Variants in AKR1D1 observed in about 807,000 individuals in gnomAD.
The protein encoded by AKR1D1 is aldo-keto reductase family 1 member D1.
Under a neutral mutation model 42.6 loss-of-function variants are expected in AKR1D1, and 32 were observed. That is an observed-to-expected ratio of 0.75 (90% confidence interval 0.57 to 1.01). AKR1D1 has a LOEUF of 1.01. AKR1D1 is among the 50% of genes least tolerant of loss of function. The pLI is 0.00. For synonymous variants in AKR1D1, 123 were observed against 135.5 expected (o/e 0.91, Z 0.64); for missense variants, 364 against 402.2 (o/e 0.91, Z 0.81).
rs763222495 is a variant in AKR1D1 at position 138,107,269 on chromosome 7, C to G, written c.690-146C>G. 8.2e-6 allele frequency: 7 copies of G among 856,872 alleles called. No individual in the cohort carries two copies. In the African/African-American group the frequency reaches 8.2e-5, roughly 10 times the overall value. The allele number at this position is 856,872 out of a possible 1,614,324, so 53.1% of individuals were successfully genotyped here. A position where few individuals can be genotyped will look rare whatever the true frequency, so the allele number is the denominator to read the frequency against. On this transcript the variant is annotated intron_variant, in intron 6 of 8. Coordinates refer to ENST00000242375, the MANE Select transcript of AKR1D1 (RefSeq NM_005989.4). ...AGTAACTCTCCATTCAGTGCATACTCTGCACTCAGAGAAACTGGTTACAGG... is the reference window on the plus strand; with the variant it reads ...AGTAACTCTCCATTCAGTGCATACTGTGCACTCAGAGAAACTGGTTACAGG...
chr7:138,089,593 G>A (rs902341042), intron 2 of AKR1D1, among the ~76,000 whole-genome samples: 4 of 152,124 alleles, frequency 2.6e-5, no homozygotes, highest in African/African-American at 4.8e-5. Context: ...ACAAGGAAAA[G>A]GTGGTCAAAA....
chr7:138,101,174 TCCCTCCCTC>T (rs1794304774), intron 4 of AKR1D1, among the ~76,000 whole-genome samples: 2 of 29,034 alleles, frequency 6.9e-5, no homozygotes, highest in Middle Eastern at 0.029. Flanking sequence ...CCTCCCTCCC[TCCCTCCCTC>T]CCTCCCTCCC....
At chr7:138,115,669 GA>G (rs1230920434) in intron 8 of AKR1D1, among the ~76,000 whole-genome samples, 1 of 152,144 alleles carries the variant, frequency 6.6e-6, no homozygotes. Flanking sequence ...ATTGGACCAT[GA>G]TTTTTTTCAG....
intron 4 of AKR1D1, among the ~76,000 whole-genome samples, chr7:138,104,765 T>A (rs1463316310): frequency 1.3e-5 from 2 of 151,096 alleles, no homozygotes; most frequent in African/African-American, 2.4e-5. Context: ...TTTTAAAAAA[T>A]TGTTTTTAAT....
At position 138,076,544 on chromosome 7, in the gene AKR1D1, G is replaced by A. The variant is rs537010232; in HGVS notation, c.26G>A (p.Arg9His). The A allele has an allele frequency of 2.3e-5, 37 of 1,613,424 alleles. No homozygotes were observed. The East Asian group carries it at 2.5e-4, about 11-fold the overall frequency. The change falls in exon 1 of 9, where the codon CGC (arginine) becomes CAC (histidine). Residue 9 changes from arginine to histidine, a missense_variant. Arg to His is a conservative substitution (Grantham distance 29). Coordinates refer to ENST00000242375, the MANE Select transcript of AKR1D1 (RefSeq NM_005989.4). ...ATGGATCTCAGTGCTGCAAGTCACCGCATACCTCTAAGTGATGGAAACAGC... is the reference window on the plus strand; with the variant it reads ...ATGGATCTCAGTGCTGCAAGTCACCACATACCTCTAAGTGATGGAAACAGC... MDLSAASHRIPLSDGNSIP... is the reference protein window; with the variant it reads MDLSAASHHIPLSDGNSIP...
intron 2 of AKR1D1, 136 bp from the exon 3 acceptor site, chr7:138,091,632 C>T (rs1794078831): frequency 1.5e-6 from 1 of 689,188 alleles, no homozygotes; most frequent in East Asian, 2.7e-5. Context: ...GAGTTAAAGA[C>T]CAGCCTGGGC....
At chr7:138,096,048 C>T (rs1794177566) in intron 3 of AKR1D1, among the ~76,000 whole-genome samples, 1 of 151,558 alleles carries the variant, frequency 6.6e-6, no homozygotes, top group African/African-American at 2.4e-5. Context: ...AAAAAAAATA[C>T]AAAAAAATTA....
chr7:138,080,808 C>T lies in AKR1D1; in HGVS notation c.93+4197C>T, dbSNP rs1237935814. On this transcript the variant is annotated intron_variant, in intron 1 of 8. Transcript: ENST00000242375. The stretch of plus-strand genomic sequence containing the variant: ...TCATTCCTAGTTTTTAAAATAAGGA[C>T]AGGATCTCACTATGTTGCCCAGGCT... 2.0e-5 allele frequency among the ~76,000 whole-genome samples: 3 copies of T among 152,124 alleles called. No homozygotes were observed. The East Asian group carries it at 5.8e-4, about 29-fold the overall frequency.
Position 138,105,568 on chromosome 7 carries a change from G to A in AKR1D1, c.579+139G>A, listed in dbSNP as rs150139982. ...TCATGGGACCCTGTGCAAGTCTTTA[G>A]ACTTCTTTCTATTGGTGTCACTTTA... On this transcript the variant is annotated intron_variant, in intron 5 of 8. Transcript: ENST00000242375. 420 of 1,307,320 alleles carry A rather than the reference G, an allele frequency of 3.2e-4. No homozygotes were observed. The African/African-American group carries it at 5.8e-3, about 18-fold the overall frequency. 81.0% of individuals were successfully genotyped at this position (1,307,320 alleles called of 1,614,324 possible).
intron 1 of AKR1D1, among the ~76,000 whole-genome samples, chr7:138,085,884 G>T (rs1295616287): frequency 6.6e-6 from 1 of 151,658 alleles, no homozygotes; most frequent in Non-Finnish European, 1.5e-5. Flanking sequence ...TAAATGATCA[G>T]TTCCAGCCCA....
intron 7 of AKR1D1, 75 bp from the exon 8 acceptor site, chr7:138,113,615 G>A: frequency 1.6e-6 from 2 of 1,222,450 alleles, no homozygotes; most frequent in Non-Finnish European, 2.4e-6. Context: ...ATCTTTGGAA[G>A]GCTCCCACCG....
At chr7:138,100,914 C>CTAAA (rs1794294593) in intron 4 of AKR1D1, among the ~76,000 whole-genome samples, 1 of 151,742 alleles carries the variant, frequency 6.6e-6, no homozygotes, top group Non-Finnish European at 1.5e-5. Flanking sequence ...CTGTGTTAGC[C>CTAAA]AGGATGGTCT....
intron 3 of AKR1D1, among the ~76,000 whole-genome samples, chr7:138,095,141 G>A (rs1176785056): frequency 6.6e-6 from 1 of 152,162 alleles, no homozygotes; most frequent in East Asian, 1.9e-4. Context: ...GGTATCTAAT[G>A]TGGGTTCAGG....
At chr7:138,100,632 T>C (rs1360575177) in intron 4 of AKR1D1, among the ~76,000 whole-genome samples, 1 of 147,512 alleles carries the variant, frequency 6.8e-6, no homozygotes, top group Non-Finnish European at 1.5e-5. Context: ...AGCTTCAAAA[T>C]ACATGAAGCA....
chr7:138,103,361 A>G (rs1258428393), intron 4 of AKR1D1, among the ~76,000 whole-genome samples: 1 of 152,206 alleles, frequency 6.6e-6, no homozygotes, highest in Non-Finnish European at 1.5e-5. Flanking sequence ...TTATATATAT[A>G]CTATTAGCAT....
Position 138,116,763 on chromosome 7 carries a change from T to C in AKR1D1, c.*101T>C, listed in dbSNP as rs779264026. On this transcript the variant is annotated 3_prime_UTR_variant, in exon 9 of 9. Coordinates refer to ENST00000242375, the MANE Select transcript of AKR1D1 (RefSeq NM_005989.4). Reference sequence around the variant, plus strand: ...AAAATGAAGAGAGAGGGTTTTACCATCCTGAGAAGAAATAATGATGGAAAC... The same window carrying C: ...AAAATGAAGAGAGAGGGTTTTACCACCCTGAGAAGAAATAATGATGGAAAC... 9.3e-7 allele frequency: 1 copy of C among 1,077,504 alleles called. No homozygotes were observed. Among genetic ancestry groups the C allele is most frequent in the Non-Finnish European group, 1.4e-6 (1 of 710,764 alleles). The allele number at this position is 1,077,504 out of a possible 1,614,324, so 66.7% of individuals were successfully genotyped here.
At position 138,111,009 on chromosome 7, in the gene AKR1D1, G is replaced by T. The variant is rs77557097; in HGVS notation, c.856-2681G>T. Among the ~76,000 whole-genome samples the T allele has an allele frequency of 5.3e-5, 8 of 152,078 alleles. No individual in the cohort carries two copies. In the East Asian group the frequency reaches 1.5e-3, roughly 29 times the overall value. On this transcript the variant is annotated intron_variant, in intron 7 of 8. Transcript: ENST00000242375. ...AGTGAATTCAACATCCACACCAGTCGTTCTCCACCCTTATCCGACAGCTCT... is the reference window on the plus strand; with the variant it reads ...AGTGAATTCAACATCCACACCAGTCTTTCTCCACCCTTATCCGACAGCTCT...
At chr7:138,109,007 T>A (rs1794485867) in intron 7 of AKR1D1, among the ~76,000 whole-genome samples, 1 of 152,212 alleles carries the variant, frequency 6.6e-6, no homozygotes, top group Admixed American at 6.5e-5. Flanking sequence ...TTTGCACATA[T>A]ATACATGGGT....
chr7:138,096,525 C>G (rs1393753337), intron 3 of AKR1D1, among the ~76,000 whole-genome samples: 1 of 152,174 alleles, frequency 6.6e-6, no homozygotes, highest in Non-Finnish European at 1.5e-5. Context: ...CACAGTTGCA[C>G]TGGGGATTAA....
Sources: allele counts gnomAD v4.1 joint callset (sites outside exome capture counted in the v4.1 genomes callset), GRCh38; gene constraint gnomAD v4.1.1; transcripts MANE v1.5; gene names NCBI Gene and HGNC (gene_info 2026-07-23, HGNC 2026-07-21).